The following ARMC1 variants were observed in gnomAD, a reference collection of about 807,000 sequenced individuals.
ARMC1 encodes the protein armadillo repeat-containing protein 1.
In ARMC1, 16 loss-of-function variants were observed where a neutral mutation model predicts 31.4. The ratio of observed to expected loss-of-function variants is 0.51; its 90% CI spans 0.34 to 0.77. The LOEUF is 0.77. Ranked by LOEUF, ARMC1 falls within the 30% of genes least tolerant of loss-of-function variation. The probability of loss-of-function intolerance (pLI) is 0.01; values close to 1 mark genes in which losing one functional copy is unlikely to be tolerated. For missense variants in ARMC1, 259 were observed against 347.5 expected (o/e 0.75, Z 2.02); for synonymous variants, 114 against 118.9 (o/e 0.96, Z 0.27).
rs1807923018 is a variant in ARMC1 at position 65,602,886 on chromosome 8, A to G, written c.*1508T>C. The G allele has an allele frequency of 6.6e-6, 1 of 151,980 alleles. No individual in the cohort carries two copies. The highest frequency in any genetic ancestry group is 2.1e-4 in the South Asian group (1 of 4,820). The allele number at this position is 151,980 out of a possible 1,614,324, so 9.4% of individuals were successfully genotyped here. ...AATCAGAAACCAAACACATGTAAAA[A>G]AATATCATCCTCAATGCCCCCCATT... On this transcript the variant is annotated 3_prime_UTR_variant, in exon 7 of 7. Transcript: ENST00000276569.
At chr8:65,619,275 CT>C (rs1336417863) in intron 3 of ARMC1, among the ~76,000 whole-genome samples, 2 of 152,234 alleles carry the variant, frequency 1.3e-5, no homozygotes, top group East Asian at 3.9e-4. Flanking sequence ...TGATTCACCC[CT>C]GTAATCCCAG....
Position 65,613,289 on chromosome 8 carries a change from T to A in ARMC1, c.420A>T (p.Lys140Asn). Residue 140 changes from lysine to asparagine, a missense_variant, in exon 4 of 7, where the codon AAA becomes AAT. Physicochemically the swap from Lys to Asn is moderately conservative, Grantham distance 94 (BLOSUM62 0). Coordinates refer to ENST00000276569, the MANE Select transcript of ARMC1 (RefSeq NM_018120.6). ...TATGCAAAACCACTGTTTTGGCACG[T>A]TTGTTTGTAGTTCCCAGAAAAAATT... ...KAQFFLGTTN[K>N]RAKTVVLHID... The A allele has an allele frequency of 6.2e-7, 1 of 1,611,860 alleles. No homozygotes were observed. The highest frequency in any genetic ancestry group is 8.5e-7 in the Non-Finnish European group (1 of 1,179,344).
chr8:65,629,798 C>CAA (rs56044753), intron 1 of ARMC1, among the ~76,000 whole-genome samples: 17 of 101,334 alleles, frequency 1.7e-4, no homozygotes, highest in African/African-American at 5.0e-4. Flanking sequence ...GACTCCGTCT[C>CAA]AAAAAAAAAA....
Position 65,634,140 on chromosome 8 carries a change from G to A in ARMC1, c.-178C>T, listed in dbSNP as rs1313608517. 4 of 152,488 alleles carry A rather than the reference G, an allele frequency of 2.6e-5. No homozygotes were observed. Among genetic ancestry groups the A allele is most frequent in the East Asian group, 3.9e-4 (2 of 5,190 alleles). The allele number at this position is 152,488 out of a possible 1,614,324, so 9.4% of individuals were successfully genotyped here. On this transcript the variant is annotated 5_prime_UTR_variant, in exon 1 of 7. Transcript: ENST00000276569. ...ATCGCAAGCAACCGGACTAACTCAG[G>A]GAGCCAAAGAGCGAAGGCGCTGGCG...
intron 2 of ARMC1, 54 bp downstream of exon 2, chr8:65,627,162 C>A: frequency 2.0e-6 from 3 of 1,482,750 alleles, no homozygotes; most frequent in South Asian, 2.8e-5. Context: ...TTTCCAAATT[C>A]TCACCTTAAC....
intron 6 of ARMC1, 106 bp from the exon 7 acceptor site, chr8:65,604,691 C>A: frequency 1.1e-6 from 1 of 893,984 alleles, no homozygotes; most frequent in Non-Finnish European, 1.7e-6. Flanking sequence ...ACAGTAGGCC[C>A]AATTGCTGAG....
intron 3 of ARMC1, among the ~76,000 whole-genome samples, chr8:65,615,673 C>T (rs558812427): frequency 9.8e-4 from 149 of 151,906 alleles, no homozygotes; most frequent in Admixed American, 3.5e-3. Context: ...TACGACTGCA[C>T]GCCAGCCTGG....
chr8:65,616,723 T>G (rs1005615954), intron 3 of ARMC1, among the ~76,000 whole-genome samples: 1 of 145,812 alleles, frequency 6.9e-6, no homozygotes, highest in African/African-American at 2.6e-5. Flanking sequence ...GTCTGAGATG[T>G]GGGGAGCGCC....
intron 2 of ARMC1, among the ~76,000 whole-genome samples, chr8:65,626,740 G>A (rs66850618): frequency 0.12 from 18,185 of 152,064 alleles, 1,236 homozygotes; most frequent in Middle Eastern, 0.17. Context: ...TAAAAACAAG[G>A]CTGGCCATGG....
rs1808533083 is a variant in ARMC1 at position 65,627,341 on chromosome 8, G to T, written c.58C>A (p.Gln20Lys). The change falls in exon 2 of 7, where the codon CAG becomes AAG. Residue 20 changes from glutamine (Q) to lysine (K), a missense_variant. Physicochemically the swap from Gln to Lys is moderately conservative, Grantham distance 53 (BLOSUM62 1). Coordinates refer to ENST00000276569, the MANE Select transcript of ARMC1 (RefSeq NM_018120.6). ...EEPDALSVVN[Q>K]LRDLAADPLN... ...GGATCTGCTGCTAGATCCCGTAACT[G>T]GTTAACTACCGATAGAGCGTCAGGC... The T allele has an allele frequency of 6.2e-7, 1 of 1,613,014 alleles. No homozygotes were observed. Among genetic ancestry groups the T allele is most frequent in the Non-Finnish European group, 8.5e-7 (1 of 1,179,500 alleles).
chr8:65,607,418 C>A (rs1808028770), intron 4 of ARMC1, among the ~76,000 whole-genome samples: 1 of 152,206 alleles, frequency 6.6e-6, no homozygotes. Flanking sequence ...AAACAACTTG[C>A]CTGATTTACC....
At chr8:65,620,814 C>T (rs1808379386) in intron 3 of ARMC1, among the ~76,000 whole-genome samples, 1 of 48,680 alleles carries the variant, frequency 2.1e-5, no homozygotes, top group Non-Finnish European at 4.4e-5. Flanking sequence ...AAAAACACAA[C>T]TATCTGGGCA....
intron 2 of ARMC1, among the ~76,000 whole-genome samples, chr8:65,626,488 TGTG>T (rs1167716192): frequency 2.0e-5 from 3 of 150,978 alleles, no homozygotes; most frequent in Admixed American, 6.6e-5. Context: ...AATAAAAAGT[TGTG>T]GTGATGGTGA....
chr8:65,602,828 G>GTTTTTTTTTT lies in ARMC1; in HGVS notation c.*1556_*1565dup, dbSNP rs141443246. On this transcript the variant is annotated 3_prime_UTR_variant, in exon 7 of 7. Coordinates refer to ENST00000276569, the MANE Select transcript of ARMC1 (RefSeq NM_018120.6). ...CCTGAAAGTTATTGTTGCTTTTTTT[G>GTTTTTTTTTT]TTTTTTTTTTTTCAGTTTGTGCGTG... 2 of 141,264 alleles carry GTTTTTTTTTT rather than the reference G, an allele frequency of 1.4e-5. No individual in the cohort carries two copies. Among genetic ancestry groups the GTTTTTTTTTT allele is most frequent in the Non-Finnish European group, 3.1e-5 (2 of 64,966 alleles). 8.8% of individuals were successfully genotyped at this position (141,264 alleles called of 1,614,324 possible).
intron 4 of ARMC1, among the ~76,000 whole-genome samples, chr8:65,612,631 G>C (rs576903347): frequency 3.2e-4 from 48 of 152,132 alleles, no homozygotes; most frequent in Non-Finnish European, 5.9e-4. Context: ...GGGAGGCTGA[G>C]GCAGGCGGAC....
At chr8:65,632,582 C>T (rs1421474852) in intron 1 of ARMC1, among the ~76,000 whole-genome samples, 1 of 152,074 alleles carries the variant, frequency 6.6e-6, no homozygotes, top group Non-Finnish European at 1.5e-5. Flanking sequence ...CACTGCACTC[C>T]AGCCTGGGCA....
intron 4 of ARMC1, among the ~76,000 whole-genome samples, chr8:65,612,985 T>C (rs540165020): frequency 6.6e-6 from 1 of 152,354 alleles, no homozygotes; most frequent in Admixed American, 6.5e-5. Context: ...GAGAGTTGTG[T>C]TAAAATCTCT....
chr8:65,620,644 C>T (rs187943954), intron 3 of ARMC1, among the ~76,000 whole-genome samples: 218 of 151,982 alleles, frequency 1.4e-3, no homozygotes, highest in Non-Finnish European at 1.8e-3. Context: ...GATTACCATA[C>T]TAGACCCGTT....
chr8:65,619,047 AAAAC>A (rs1043315820), intron 3 of ARMC1, among the ~76,000 whole-genome samples: 15 of 152,268 alleles, frequency 9.9e-5, no homozygotes, highest in Admixed American at 3.9e-4. Context: ...CATCTCACAA[AAAAC>A]AAACAAACAA....
Sources: allele counts gnomAD v4.1 joint callset (sites outside exome capture counted in the v4.1 genomes callset), GRCh38; gene constraint gnomAD v4.1.1; transcripts MANE v1.5; gene names NCBI Gene and HGNC (gene_info 2026-07-23, HGNC 2026-07-21).